Variants in CLVS1 observed in about 807,000 individuals in gnomAD.
CLVS1 encodes the protein clavesin 1, also known as clavesin-1.
A neutral mutation model predicts 33.1 loss-of-function variants in CLVS1; 10 were observed. The observed-to-expected ratio is 0.30, with a 90% CI of 0.19 to 0.51. The LOEUF (loss-of-function observed/expected upper bound fraction) is 0.51. Ranked by LOEUF, CLVS1 falls within the 20% of genes least tolerant of loss-of-function variation. The pLI, the probability that CLVS1 is intolerant of heterozygous loss-of-function variation, is 0.97. For missense variants in CLVS1, 343 were observed against 433.4 expected (o/e 0.79, Z 1.85); for synonymous variants, 163 against 166.1 (o/e 0.98, Z 0.14).
intron 2 of CLVS1, among the ~76,000 whole-genome samples, chr8:61,353,198 T>A (rs1038689812): frequency 6.6e-6 from 1 of 151,998 alleles, no homozygotes; most frequent in Non-Finnish European, 1.5e-5. Context: ...ACCAACAGGA[T>A]CTAATTGACA....
chr8:60,993,743 C>A, the CLVS1 span, among the ~76,000 whole-genome samples: 3 of 152,212 alleles, frequency 2.0e-5, no homozygotes, highest in African/African-American at 4.8e-5. Context: ...CCCCCATCAA[C>A]CATTTCTCTA....
chr8:61,091,880 G>C (rs188020743), intron 1 of CLVS1, among the ~76,000 whole-genome samples: 1 of 152,182 alleles, frequency 6.6e-6, no homozygotes, highest in Non-Finnish European at 1.5e-5. Flanking sequence ...GTTAAAACTT[G>C]TGAGGTGTGT....
chr8:61,035,189 T>TTTTC, the CLVS1 span, among the ~76,000 whole-genome samples: 1 of 138,026 alleles, frequency 7.2e-6, no homozygotes, highest in Non-Finnish European at 1.5e-5. Flanking sequence ...TCTTTTTTCT[T>TTTTC]TTTTTTTTTT....
intron 3 of CLVS1, among the ~76,000 whole-genome samples, chr8:61,444,375 T>C (rs1475951385): frequency 6.6e-6 from 1 of 152,186 alleles, no homozygotes; most frequent in Non-Finnish European, 1.5e-5. Context: ...TTGGCAGATG[T>C]TTTAAAATCA....
chr8:61,385,018 G>A (rs1334343691), intron 3 of CLVS1, among the ~76,000 whole-genome samples: 1 of 152,092 alleles, frequency 6.6e-6, no homozygotes, highest in African/African-American at 2.4e-5. Context: ...GTGGGGTAGA[G>A]AAAGGAAGAT....
At chr8:61,313,786 G>A (rs1199052582) in intron 2 of CLVS1, among the ~76,000 whole-genome samples, 1 of 152,162 alleles carries the variant, frequency 6.6e-6, no homozygotes, top group African/African-American at 2.4e-5. Context: ...CTGGAGTTGT[G>A]TGCAATTGAA....
chr8:61,480,776 T>G (rs1420920521), intron 5 of CLVS1, among the ~76,000 whole-genome samples: 3 of 151,974 alleles, frequency 2.0e-5, no homozygotes, highest in Non-Finnish European at 4.4e-5. Flanking sequence ...ACAGAAGGGT[T>G]TTTAGGTAAG....
the CLVS1 span, among the ~76,000 whole-genome samples, chr8:61,021,854 T>C: frequency 6.6e-6 from 1 of 152,158 alleles, no homozygotes; most frequent in Non-Finnish European, 1.5e-5. Context: ...CCAATAGTTA[T>C]TATAGTTTTT....
intron 2 of CLVS1, among the ~76,000 whole-genome samples, chr8:61,237,409 T>C (rs143982814): frequency 3.3e-5 from 5 of 152,062 alleles, no homozygotes; most frequent in African/African-American, 7.2e-5. Flanking sequence ...GATTGCACCA[T>C]TGCACCCCAG....
At chr8:61,366,720 C>G (rs1046185499) in intron 2 of CLVS1, among the ~76,000 whole-genome samples, 2 of 152,116 alleles carry the variant, frequency 1.3e-5, no homozygotes, top group African/African-American at 4.8e-5. Context: ...TGCATCAAAC[C>G]CCCAGCTTGG....
intron 1 of CLVS1, among the ~76,000 whole-genome samples, chr8:61,104,822 G>A (rs906822978): frequency 7.9e-5 from 12 of 151,910 alleles, no homozygotes; most frequent in African/African-American, 2.9e-4. Flanking sequence ...GCTTACATTT[G>A]TTTTACTTTA....
intron 1 of CLVS1, among the ~76,000 whole-genome samples, chr8:61,293,289 A>G (rs1189604129): frequency 1.3e-5 from 2 of 152,186 alleles, no homozygotes; most frequent in Non-Finnish European, 2.9e-5. Flanking sequence ...TATATCTGTA[A>G]GTTGGCTAAC....
chr8:61,039,392 G>C, the CLVS1 span, among the ~76,000 whole-genome samples: 4 of 152,184 alleles, frequency 2.6e-5, no homozygotes, highest in African/African-American at 9.7e-5. Context: ...GTCAAGCTAT[G>C]GGGCCTTCTG....
At chr8:61,009,172 T>A in the CLVS1 span, among the ~76,000 whole-genome samples, 45 of 146,080 alleles carry the variant, frequency 3.1e-4, no homozygotes, top group Middle Eastern at 3.6e-3. Context: ...CTCTTAAAAA[T>A]TTTTTTTTTT....
intron 2 of CLVS1, among the ~76,000 whole-genome samples, chr8:61,280,789 AT>A (rs574111619): frequency 1.3e-5 from 2 of 151,836 alleles, no homozygotes; most frequent in African/African-American, 4.8e-5. Flanking sequence ...ATCATTAATT[AT>A]TTTTTTTGTG....
At chr8:61,220,253 T>C (rs755856124) in intron 2 of CLVS1, among the ~76,000 whole-genome samples, 10 of 152,216 alleles carry the variant, frequency 6.6e-5, no homozygotes, top group Non-Finnish European at 1.2e-4. Context: ...TCCTAAAAGG[T>C]ATTGCCTAAG....
chr8:60,975,119 A>G, the CLVS1 span, among the ~76,000 whole-genome samples: 1 of 152,182 alleles, frequency 6.6e-6, no homozygotes, highest in African/African-American at 2.4e-5. Context: ...AAAGGAGGAA[A>G]AGGAAATAGC....
At chr8:61,093,399 T>C (rs1805288967) in intron 1 of CLVS1, among the ~76,000 whole-genome samples, 2 of 152,124 alleles carry the variant, frequency 1.3e-5, no homozygotes, top group South Asian at 4.1e-4. Context: ...TCAGGCCAAG[T>C]GAGGTGAGTG....
chr8:61,446,353 T>C (rs1816757967), intron 3 of CLVS1, among the ~76,000 whole-genome samples: 1 of 152,206 alleles, frequency 6.6e-6, no homozygotes. Context: ...TGATATGTCC[T>C]ATGTCTTGAT....
Sources: allele counts gnomAD v4.1 joint callset (sites outside exome capture counted in the v4.1 genomes callset), GRCh38; gene constraint gnomAD v4.1.1; transcripts MANE v1.5; gene names NCBI Gene and HGNC (gene_info 2026-07-23, HGNC 2026-07-21).